Variants in CNKSR2 observed in about 807,000 individuals in gnomAD.
CNKSR2 encodes the protein CNK homolog protein 2.
Under a neutral mutation model 84.4 loss-of-function variants are expected in CNKSR2, and 14 were observed. The ratio of observed to expected loss-of-function variants is 0.17; its 90% CI spans 0.11 to 0.26. The LOEUF is 0.26. Among genes scored for constraint, CNKSR2 ranks in the 10% least tolerant of loss-of-function variants. The probability of loss-of-function intolerance (pLI) is 1.00; values close to 1 mark genes in which losing one functional copy is unlikely to be tolerated. For synonymous variants in CNKSR2, 275 were observed against 277.9 expected (o/e 0.99, Z 0.10); for missense variants, 485 against 771.2 (o/e 0.63, Z 4.40).
At chrX:21,540,988 G>GT (rs376820459) in intron 11 of CNKSR2, among the ~76,000 whole-genome samples, 2,437 of 102,059 alleles carry the variant, frequency 0.024, 46 homozygotes, top group African/African-American at 0.076. Context: ...ATATCTGGTT[G>GT]TTTTTTTTTT....
At position 21,449,618 on chromosome X, in the gene CNKSR2, C is replaced by T. The variant is rs2090901542; in HGVS notation, c.519+8837C>T. On this transcript the variant is annotated intron_variant, in intron 4 of 21. Transcript: ENST00000379510. ...ACAAACAACCTGAAAATATTAGTGG[C>T]TTTTAATAATGCTCATATCAAATGC... 2.7e-5 allele frequency among the ~76,000 whole-genome samples: 3 copies of T among 110,601 alleles called. No individual in the cohort carries two copies. The South Asian group carries it at 1.2e-3, about 43-fold the overall frequency.
intron 1 of CNKSR2, among the ~76,000 whole-genome samples, chrX:21,392,542 G>A (rs747140826): frequency 9.0e-6 from 1 of 111,169 alleles, no homozygotes; most frequent in Non-Finnish European, 1.9e-5. Flanking sequence ...TTCAGGTCTT[G>A]TGAGTATTCA....
intron 4 of CNKSR2, chrX:21,441,201 A>G (rs1382890178): frequency 9.0e-6 from 1 of 111,555 alleles, no homozygotes. Context: ...AACATATCCC[A>G]TATCCAAACA....
chrX:21,558,171 T>C (rs1189518098), intron 11 of CNKSR2, among the ~76,000 whole-genome samples: 1 of 111,199 alleles, frequency 9.0e-6, no homozygotes, highest in Non-Finnish European at 1.9e-5. Context: ...CAAGCTGTAA[T>C]CAATGATCTG....
chrX:21,507,549 C>T (rs1294288335), intron 8 of CNKSR2, among the ~76,000 whole-genome samples: 1 of 110,915 alleles, frequency 9.0e-6, no homozygotes, highest in Non-Finnish European at 1.9e-5. Context: ...TAGGATGATA[C>T]TTTTAGCTAT....
At chrX:21,564,355 A>G (rs2092219765) in intron 13 of CNKSR2, among the ~76,000 whole-genome samples, 1 of 111,984 alleles carries the variant, frequency 8.9e-6, no homozygotes, top group Non-Finnish European at 1.9e-5. Flanking sequence ...GAGAGATCAG[A>G]AGCAGGGCTA....
chrX:21,554,218 CA>C (rs1420010956), intron 11 of CNKSR2, among the ~76,000 whole-genome samples: 2 of 111,922 alleles, frequency 1.8e-5, no homozygotes, highest in Admixed American at 1.9e-4. Context: ...TTTTTTGACG[CA>C]GTTCAGTATT....
At chrX:21,432,409 A>T (rs1235975247) in intron 2 of CNKSR2, among the ~76,000 whole-genome samples, 2 of 111,737 alleles carry the variant, frequency 1.8e-5, no homozygotes, top group Non-Finnish European at 3.8e-5. Context: ...TTAGTACTTA[A>T]CACATTTTAT....
At chrX:21,451,094 A>G (rs943351555) in intron 4 of CNKSR2, among the ~76,000 whole-genome samples, 2 of 112,063 alleles carry the variant, frequency 1.8e-5, no homozygotes, top group African/African-American at 6.5e-5. Context: ...TGTAAAATCA[A>G]TGTGTAATAT....
intron 4 of CNKSR2, among the ~76,000 whole-genome samples, chrX:21,459,784 T>C (rs2091039091): frequency 9.0e-6 from 1 of 111,114 alleles, no homozygotes; most frequent in Non-Finnish European, 1.9e-5. Context: ...CTTTGAAATA[T>C]TTCTTAGAAG....
chrX:21,620,906 A>G (rs1045241144), intron 20 of CNKSR2, among the ~76,000 whole-genome samples: 1 of 111,327 alleles, frequency 9.0e-6, no homozygotes, highest in Admixed American at 9.5e-5. Context: ...AGGCTGAATA[A>G]CCAGCTACCA....
At chrX:21,625,540 C>A (rs899021858) in intron 20 of CNKSR2, among the ~76,000 whole-genome samples, 3 of 111,873 alleles carry the variant, frequency 2.7e-5, no homozygotes, top group Admixed American at 9.5e-5. Flanking sequence ...TAATTAAAAT[C>A]TCATCCTGAG....
intron 11 of CNKSR2, among the ~76,000 whole-genome samples, chrX:21,536,546 A>G (rs976034100): frequency 9.0e-6 from 1 of 110,953 alleles, no homozygotes; most frequent in Non-Finnish European, 1.9e-5. Flanking sequence ...ATTCAATCTC[A>G]TTACTAGATA....
chrX:21,632,990 T>C (rs764291470), intron 20 of CNKSR2, among the ~76,000 whole-genome samples: 341 of 100,671 alleles, frequency 3.4e-3, no homozygotes, highest in East Asian at 4.6e-3. Flanking sequence ...TTATATAATA[T>C]ACACACACAC....
intron 1 of CNKSR2, among the ~76,000 whole-genome samples, chrX:21,416,467 G>A (rs1476068453): frequency 9.0e-6 from 1 of 111,223 alleles, no homozygotes; most frequent in Non-Finnish European, 1.9e-5. Context: ...GAGTTTGGCA[G>A]TATTCTCTTC....
chrX:21,509,726 A>C (rs1321324235), intron 8 of CNKSR2, among the ~76,000 whole-genome samples: 4 of 111,765 alleles, frequency 3.6e-5, no homozygotes, highest in African/African-American at 1.3e-4. Context: ...TTTTTTTATT[A>C]ATATTTCATG....
chrX:21,497,817 CT>C lies in CNKSR2; in HGVS notation c.713del (p.Leu238ProfsTer3). The part of the protein sequence containing the change: ...GMYIKSTYDG[L>X]HVITGTTENS... ...GTATATTAAATCTACATATGATGGC[CT>C]CCATGTAATTACTGGAACCACAGAA... is the stretch of plus-strand genomic sequence containing the variant. On this transcript the variant is annotated frameshift_variant, in exon 7 of 22. Coordinates refer to ENST00000379510, the MANE Select transcript of CNKSR2 (RefSeq NM_014927.5). LOFTEE classifies it high-confidence loss of function. 1.0e-6 allele frequency: 1 copy of C among 957,406 alleles called. No individual in the cohort carries two copies. The allele number at this position is 957,406 out of a possible 1,213,427, so 78.9% of individuals were successfully genotyped here.
intron 4 of CNKSR2, among the ~76,000 whole-genome samples, chrX:21,453,431 A>G (rs1217594698): frequency 8.9e-6 from 1 of 111,876 alleles, no homozygotes; most frequent in Non-Finnish European, 1.9e-5. Flanking sequence ...TAGTAGTCAT[A>G]TCAGACCCTG....
intron 20 of CNKSR2, among the ~76,000 whole-genome samples, chrX:21,616,510 G>T (rs1420461022): frequency 9.0e-6 from 1 of 111,607 alleles, no homozygotes; most frequent in African/African-American, 3.3e-5. Flanking sequence ...TCAAGGAAAA[G>T]CCAGGACTAC....
Sources: allele counts gnomAD v4.1 joint callset (sites outside exome capture counted in the v4.1 genomes callset), GRCh38; gene constraint gnomAD v4.1.1; transcripts MANE v1.5; gene names NCBI Gene and HGNC (gene_info 2026-07-23, HGNC 2026-07-21).